The following MEPE variants were observed in gnomAD, a reference collection of about 807,000 sequenced individuals.
MEPE encodes matrix extracellular phosphoglycoprotein.
A neutral mutation model predicts 7.3 loss-of-function variants in MEPE; 7 were observed. That is an observed-to-expected ratio of 0.95 (90% CI 0.54 to 1.79). The LOEUF is 1.79. Among genes scored for constraint, MEPE ranks in the 40% most tolerant of loss-of-function variants. MEPE has a pLI of 0.00. For synonymous variants in MEPE, 214 were observed against 213.1 expected (o/e 1.00, Z -0.04); for missense variants, 623 against 628.2 (o/e 0.99, Z 0.09).
chr4:87,831,070 T>C (rs1225455444), upstream of MEPE, among the ~76,000 whole-genome samples: 1 of 152,150 alleles, frequency 6.6e-6, no homozygotes, highest in Non-Finnish European at 1.5e-5. Context: ...AACTCTTACA[T>C]AATTTCTTAT....
At chr4:87,837,672 A>G (rs1342446799) in intron 2 of MEPE, 2 of 152,152 alleles carry the variant, frequency 1.3e-5, no homozygotes, top group African/African-American at 4.8e-5. Flanking sequence ...ATCCACCATG[A>G]TGCCTGCTTC....
rs961289274 is a variant in MEPE at position 87,846,468 on chromosome 4, G to T, written c.*22G>T. Reference sequence around the variant, plus strand: ...CTAGTCCACCAGGAGTTCCCAGCGGGGTGACAGTCTGAAGACCTCGTCACC... The same window carrying T: ...CTAGTCCACCAGGAGTTCCCAGCGGTGTGACAGTCTGAAGACCTCGTCACC... On this transcript the variant is annotated 3_prime_UTR_variant, in exon 4 of 4. Transcript: ENST00000361056. The T allele has an allele frequency of 1.9e-6, 3 of 1,597,606 alleles. No homozygotes were observed. The highest frequency in any genetic ancestry group is 2.3e-5 in the South Asian group (2 of 88,142).
chr4:87,832,032 GCTGT>G (rs1406332073), upstream of MEPE, among the ~76,000 whole-genome samples: 6 of 151,860 alleles, frequency 4.0e-5, no homozygotes, highest in African/African-American at 2.4e-5. Flanking sequence ...CCTGACGAGG[GCTGT>G]CTATCTCTTC....
upstream of MEPE, among the ~76,000 whole-genome samples, chr4:87,829,882 T>TTTTG (rs1553915046): frequency 0.045 from 6,418 of 142,658 alleles, 215 homozygotes; most frequent in African/African-American, 0.082. Context: ...TTTTTTTTTT[T>TTTTG]GGACTTTGCT....
chr4:87,841,182 G>GA (rs1723001793), intron 3 of MEPE, among the ~76,000 whole-genome samples: 1 of 152,016 alleles, frequency 6.6e-6, no homozygotes, highest in African/African-American at 2.4e-5. Context: ...ACAAGGGAGA[G>GA]AAAAAATTAG....
chr4:87,833,822 A>G (rs1441146361), intron 1 of MEPE, among the ~76,000 whole-genome samples: 2 of 152,196 alleles, frequency 1.3e-5, no homozygotes, highest in African/African-American at 4.8e-5. Context: ...GTTGAGCCCA[A>G]TATAAAATAT....
chr4:87,839,853 G>A, intron 3 of MEPE: 2 of 1,543,524 alleles, frequency 1.3e-6, no homozygotes, highest in Admixed American at 2.0e-5. Context: ...TGTAGGGGAG[G>A]CAAAGTTTAC....
At chr4:87,838,228 G>A (rs987519777) in intron 2 of MEPE, among the ~76,000 whole-genome samples, 14 of 152,140 alleles carry the variant, frequency 9.2e-5, no homozygotes, top group African/African-American at 3.1e-4. Flanking sequence ...AATTTAAATC[G>A]TCAAACTCTG....
At chr4:87,829,190 C>T (rs985069111), upstream of MEPE, among the ~76,000 whole-genome samples, 9 of 152,118 alleles carry the variant, frequency 5.9e-5, no homozygotes, top group Non-Finnish European at 8.8e-5. Flanking sequence ...TTCTCTGCAA[C>T]CTTCTAGCCA....
At chr4:87,842,107 T>A (rs895645739) in intron 3 of MEPE, among the ~76,000 whole-genome samples, 24 of 152,174 alleles carry the variant, frequency 1.6e-4, no homozygotes, top group African/African-American at 5.8e-4. Flanking sequence ...ACACAGCCCA[T>A]AAACGGCAGT....
intron 1 of MEPE, among the ~76,000 whole-genome samples, chr4:87,825,519 G>A (rs1722442219): frequency 6.6e-6 from 1 of 152,148 alleles, no homozygotes; most frequent in Non-Finnish European, 1.5e-5. Flanking sequence ...CAAGGTGTGA[G>A]GCCTATTTCT....
chr4:87,823,130 T>A lies in MEPE; in HGVS notation c.-13+1659T>A, dbSNP rs896585007. 3.9e-5 allele frequency among the ~76,000 whole-genome samples: 6 copies of A among 152,240 alleles called. 1 individual carries two copies. Among genetic ancestry groups the A allele is most frequent in the Admixed American group, 3.9e-4 (6 of 15,286 alleles). ...AAAGCTTTTGACGCATCAAAGAGGG[T>A]GACTCTTACAAGATAATTCATGGTA... On this transcript the variant is annotated intron_variant, in intron 1 of 3. Coordinates refer to the MEPE transcript ENST00000424957.
rs112583476 is a variant in MEPE, at chr4:87,845,848, C to T, written c.980C>T (p.Ala327Val). The T allele has an allele frequency of 1.1e-4, 175 of 1,613,968 alleles. No homozygotes were observed. The African/African-American group carries it at 1.8e-3, about 17-fold the overall frequency. Residue 327 changes from alanine to valine, a missense_variant, in exon 4 of 4, where the codon GCA becomes GTA. Physicochemically the swap from Ala to Val is moderately conservative, Grantham distance 64. Coordinates refer to ENST00000361056, the MANE Select transcript of MEPE (RefSeq NM_020203.6). ...IGTRDETAKE[A>V]DAVDVSLVEG... The stretch of plus-strand genomic sequence containing the variant: ...ACTAGGGATGAAACTGCGAAAGAGG[C>T]AGATGCTGTTGATGTCAGCCTTGTA...
At chr4:87,836,107 T>C (rs183112723) in intron 2 of MEPE, among the ~76,000 whole-genome samples, 70 of 152,212 alleles carry the variant, frequency 4.6e-4, no homozygotes, top group African/African-American at 1.7e-3. Flanking sequence ...CATTTGTAAC[T>C]GTGAATCATT....
intron 1 of MEPE, among the ~76,000 whole-genome samples, chr4:87,826,270 G>A (rs950099902): frequency 6.6e-6 from 1 of 151,248 alleles, no homozygotes; most frequent in Non-Finnish European, 1.5e-5. Context: ...TCAGGCAGGG[G>A]TGCAGTGCCA....
chr4:87,831,825 T>C (rs1722607145), upstream of MEPE, among the ~76,000 whole-genome samples: 1 of 152,130 alleles, frequency 6.6e-6, no homozygotes, highest in South Asian at 2.1e-4. Context: ...CTTTTATTTC[T>C]GGGGCACTAT....
intron 3 of MEPE, among the ~76,000 whole-genome samples, chr4:87,842,961 T>C (rs1375520554): frequency 6.6e-6 from 1 of 152,166 alleles, no homozygotes; most frequent in African/African-American, 2.4e-5. Flanking sequence ...GTATATTGCT[T>C]TCTGAGCTCA....
chr4:87,827,392 C>A, intron 1 of MEPE, among the ~76,000 whole-genome samples: 1 of 152,108 alleles, frequency 6.6e-6, no homozygotes, highest in Non-Finnish European at 1.5e-5. Context: ...TAACACAATG[C>A]AGATAAACAT....
intron 2 of MEPE, chr4:87,837,763 TGAAA>T (rs1315803228): frequency 6.6e-6 from 1 of 152,222 alleles, no homozygotes; most frequent in Non-Finnish European, 1.5e-5. Flanking sequence ...TAGGAGTTTC[TGAAA>T]GAAAGAGGTA....
Sources: allele counts gnomAD v4.1 joint callset (sites outside exome capture counted in the v4.1 genomes callset), GRCh38; gene constraint gnomAD v4.1.1; transcripts MANE v1.5; gene names NCBI Gene and HGNC (gene_info 2026-07-23, HGNC 2026-07-21).